The following HDAC9 variants were observed in gnomAD, a reference collection of about 807,000 sequenced individuals.
HDAC9 encodes histone deacetylase 9.
A neutral mutation model predicts 139.4 loss-of-function variants in HDAC9; 41 were observed. That is an observed-to-expected ratio of 0.29 (90% CI 0.23 to 0.38). The LOEUF (loss-of-function observed/expected upper bound fraction) is 0.38, where lower values mean the gene tolerates loss of function less well. Among genes scored for constraint, HDAC9 ranks in the 10% least tolerant of loss-of-function variants. The pLI is 1.00. For synonymous variants in HDAC9, 517 were observed against 476.2 expected, an observed-to-expected ratio of 1.09 and a Z score of -1.12; for missense variants, 1,147 against 1,297.0, an observed-to-expected ratio of 0.88 and a Z score of 1.78.
chr7:18,299,357 GAGAGACAAGTAATCTCATCA>G (rs1798384475), intron 1 of HDAC9, among the ~76,000 whole-genome samples: 1 of 151,910 alleles, frequency 6.6e-6, no homozygotes, highest in Non-Finnish European at 1.5e-5. Flanking sequence ...TAATGTATTG[GAGAGACAAGTAATCTCATCA>G]AGAAGCGTAA....
intron 1 of HDAC9, among the ~76,000 whole-genome samples, chr7:18,092,399 C>CTT (rs112517048): frequency 0.012 from 1,631 of 140,852 alleles, 36 homozygotes; most frequent in African/African-American, 0.042. Context: ...TTCTTTCTTT[C>CTT]TTTTTTTTTT....
chr7:18,423,786 G>C (rs1789859776), intron 1 of HDAC9, among the ~76,000 whole-genome samples: 1 of 152,186 alleles, frequency 6.6e-6, no homozygotes, highest in Non-Finnish European at 1.5e-5. Context: ...TCTGTTTAAA[G>C]GCTTGGCTCA....
chr7:18,162,634 A>T (rs1443992280), intron 2 of HDAC9: 2 of 423,058 alleles, frequency 4.7e-6, no homozygotes, highest in Admixed American at 3.9e-5. Flanking sequence ...GAAGTTATGA[A>T]TATGAACTAT....
intron 22 of HDAC9, among the ~76,000 whole-genome samples, chr7:18,875,181 G>A (rs1293313686): frequency 6.6e-6 from 1 of 152,008 alleles, no homozygotes; most frequent in African/African-American, 2.4e-5. Context: ...ATGTTACAGT[G>A]CATTTGAATA....
chr7:18,891,775 A>G (rs193072416), intron 22 of HDAC9, among the ~76,000 whole-genome samples: 79 of 152,246 alleles, frequency 5.2e-4, no homozygotes, highest in African/African-American at 1.9e-3. Flanking sequence ...CACTATTCAC[A>G]TCTATTTAAG....
chr7:18,660,204 A>G (rs570852328), intron 11 of HDAC9, among the ~76,000 whole-genome samples: 1 of 152,296 alleles, frequency 6.6e-6, no homozygotes, highest in African/African-American at 2.4e-5. Context: ...AAATTTTTCC[A>G]CTGTGACAAA....
At chr7:18,643,724 T>C (rs1249723413) in intron 8 of HDAC9, among the ~76,000 whole-genome samples, 1 of 152,110 alleles carries the variant, frequency 6.6e-6, no homozygotes. Context: ...GTGTGCAATA[T>C]CCCTCTTGGA....
intron 22 of HDAC9, among the ~76,000 whole-genome samples, chr7:18,925,121 C>A (rs567770652): frequency 6.6e-6 from 1 of 152,178 alleles, no homozygotes; most frequent in Admixed American, 6.5e-5. Context: ...GGGTTACAGT[C>A]ATTAACGTTT....
At chr7:18,627,597 T>C (rs1232499392) in intron 6 of HDAC9, among the ~76,000 whole-genome samples, 7 of 152,196 alleles carry the variant, frequency 4.6e-5, no homozygotes, top group Admixed American at 3.9e-4. Context: ...GAAACTGAGA[T>C]AGATTCCTAC....
At chr7:18,654,433 C>G (rs1169390192) in intron 11 of HDAC9, among the ~76,000 whole-genome samples, 3 of 152,218 alleles carry the variant, frequency 2.0e-5, no homozygotes, top group Non-Finnish European at 2.9e-5. Flanking sequence ...ATAAGCTGGA[C>G]TCCATACCAG....
intron 1 of HDAC9, among the ~76,000 whole-genome samples, chr7:18,405,146 T>A (rs973858111): frequency 1.3e-5 from 2 of 152,148 alleles, no homozygotes; most frequent in Non-Finnish European, 2.9e-5. Flanking sequence ...GGAATTGATT[T>A]TTTTCTTCAT....
At chr7:18,736,519 T>G (rs941795295) in intron 13 of HDAC9, among the ~76,000 whole-genome samples, 1 of 152,232 alleles carries the variant, frequency 6.6e-6, no homozygotes, top group African/African-American at 2.4e-5. Flanking sequence ...TGGTTCCATT[T>G]ATGTGATGGA....
chr7:18,577,947 A>C (rs3807915), intron 2 of HDAC9, among the ~76,000 whole-genome samples: 5,438 of 152,132 alleles, frequency 0.036, 233 homozygotes, highest in African/African-American at 0.11. Context: ...AAAATTTAAA[A>C]ACCTTGGCAG....
intron 12 of HDAC9, among the ~76,000 whole-genome samples, chr7:18,717,410 TA>T (rs1180590429): frequency 4.6e-5 from 7 of 151,982 alleles, no homozygotes; most frequent in African/African-American, 1.5e-4. Context: ...TTCCACCTCT[TA>T]TGGATTGATT....
chr7:18,767,195 A>T, intron 16 of HDAC9, 40 bp downstream of exon 16: 1 of 1,181,516 alleles, frequency 8.5e-7, no homozygotes, highest in Non-Finnish European at 1.2e-6. Flanking sequence ...ATAACATAAA[A>T]TTACAAAAAA....
At chr7:18,509,188 C>T in intron 2 of HDAC9, 1 of 779,812 alleles carries the variant, frequency 1.3e-6, no homozygotes, top group Non-Finnish European at 1.6e-6. Context: ...CTTGATGCCT[C>T]ATGGGGTTTT....
intron 6 of HDAC9, among the ~76,000 whole-genome samples, chr7:18,607,063 A>G (rs1042966762): frequency 4.6e-5 from 7 of 152,210 alleles, no homozygotes; most frequent in African/African-American, 1.7e-4. Context: ...AGAAATTAAT[A>G]ATCCTAAAAA....
chr7:18,669,860 C>A (rs941981629), intron 12 of HDAC9, among the ~76,000 whole-genome samples: 4 of 151,646 alleles, frequency 2.6e-5, no homozygotes, highest in African/African-American at 9.7e-5. Flanking sequence ...TAAAAATTCA[C>A]CTTCTCATTG....
At chr7:18,381,963 T>G (rs1186572537) in intron 1 of HDAC9, among the ~76,000 whole-genome samples, 1 of 152,172 alleles carries the variant, frequency 6.6e-6, no homozygotes. Context: ...TACAAATGTG[T>G]GTGTGAGTAA....
Sources: gnomAD v4.1 joint callset for allele counts (sites outside exome capture counted in the v4.1 genomes callset) on GRCh38, gnomAD v4.1.1 for gene constraint, MANE v1.5 for transcripts, NCBI Gene and HGNC (gene_info 2026-07-23, HGNC 2026-07-21) for gene names.